GABRG3: variants seen among roughly 807,000 people sequenced by gnomAD.
GABRG3 encodes gamma-aminobutyric acid receptor subunit gamma-3.
A neutral mutation model predicts 48.8 loss-of-function variants in GABRG3; 25 were observed. That is an observed-to-expected ratio of 0.51 (90% CI 0.37 to 0.72). The LOEUF is 0.72. Ranked by LOEUF, GABRG3 falls within the 30% of genes least tolerant of loss-of-function variation. The pLI, the probability that GABRG3 is intolerant of heterozygous loss-of-function variation, is 0.00. For missense variants in GABRG3, 394 were observed against 577.9 expected, an observed-to-expected ratio of 0.68 and a Z score of 3.26; for synonymous variants, 227 against 217.6, an observed-to-expected ratio of 1.04 and a Z score of -0.38.
intron 5 of GABRG3, among the ~76,000 whole-genome samples, chr15:27,383,355 C>T (rs989233649): frequency 3.9e-5 from 6 of 152,130 alleles, no homozygotes; most frequent in Non-Finnish European, 8.8e-5. Context: ...ATAGGCTATG[C>T]TTATTTTTAT....
intron 3 of GABRG3, among the ~76,000 whole-genome samples, chr15:27,258,952 G>C (rs1465082585): frequency 6.6e-6 from 1 of 152,094 alleles, no homozygotes; most frequent in Admixed American, 6.6e-5. Context: ...TCCTACTTCT[G>C]TGAGCTCACA....
intron 5 of GABRG3, among the ~76,000 whole-genome samples, chr15:27,437,985 A>G (rs1223142516): frequency 6.6e-6 from 1 of 152,168 alleles, no homozygotes; most frequent in Admixed American, 6.5e-5. Context: ...CACTGACAGG[A>G]GGGCACTGAG....
intron 5 of GABRG3, among the ~76,000 whole-genome samples, chr15:27,356,272 T>G (rs1269068126): frequency 2.0e-5 from 3 of 151,624 alleles, no homozygotes; most frequent in African/African-American, 7.3e-5. Context: ...GGGTAGGGGG[T>G]GGGGAGAGAG....
intron 3 of GABRG3, among the ~76,000 whole-genome samples, chr15:27,212,234 T>C (rs1051152514): frequency 6.6e-6 from 1 of 152,168 alleles, no homozygotes; most frequent in Admixed American, 6.5e-5. Context: ...GGACAAACAG[T>C]GGCATACATG....
intron 2 of GABRG3, among the ~76,000 whole-genome samples, chr15:27,025,321 C>T (rs1274144024): frequency 6.6e-6 from 1 of 152,134 alleles, no homozygotes; most frequent in East Asian, 1.9e-4. Context: ...GACTTAACAC[C>T]CTTTGGTATA....
chr15:27,480,055 A>C (rs1890059746), intron 5 of GABRG3, among the ~76,000 whole-genome samples: 1 of 152,240 alleles, frequency 6.6e-6, no homozygotes, highest in African/African-American at 2.4e-5. Flanking sequence ...GCAGTCACCA[A>C]CCTGGGTCCC....
At chr15:27,395,698 C>T (rs1039270109) in intron 5 of GABRG3, among the ~76,000 whole-genome samples, 6 of 152,102 alleles carry the variant, frequency 3.9e-5, no homozygotes, top group Admixed American at 2.0e-4. Flanking sequence ...TAGATATACA[C>T]CTAGCACCTT....
At chr15:27,176,039 A>G (rs1292942011) in intron 3 of GABRG3, among the ~76,000 whole-genome samples, 5 of 152,042 alleles carry the variant, frequency 3.3e-5, no homozygotes, top group South Asian at 4.1e-4. Context: ...AAAAAAAAAA[A>G]AAAGAAAGAA....
intron 2 of GABRG3, among the ~76,000 whole-genome samples, chr15:27,004,863 G>C (rs1165028947): frequency 1.3e-5 from 2 of 152,150 alleles, no homozygotes; most frequent in Admixed American, 6.5e-5. Context: ...ACTGATGACT[G>C]TGTGGACTGG....
chr15:27,022,038 C>T (rs1487924969), intron 2 of GABRG3, among the ~76,000 whole-genome samples: 1 of 152,112 alleles, frequency 6.6e-6, no homozygotes, highest in African/African-American at 2.4e-5. Context: ...TCTGGGATGC[C>T]TTCCTGCCCT....
chr15:27,200,274 A>G (rs1307480525), intron 3 of GABRG3, among the ~76,000 whole-genome samples: 55 of 152,208 alleles, frequency 3.6e-4, no homozygotes, highest in Admixed American at 3.6e-3. Context: ...GGGGGCAGGC[A>G]TGGCTGTCAC....
intron 3 of GABRG3, among the ~76,000 whole-genome samples, chr15:27,225,454 T>C (rs1257113120): frequency 1.3e-5 from 2 of 152,092 alleles, no homozygotes; most frequent in Admixed American, 6.5e-5. Flanking sequence ...GATTGTTTAG[T>C]CTGACGATTT....
At chr15:27,422,967 C>T (rs1244172544) in intron 5 of GABRG3, among the ~76,000 whole-genome samples, 1 of 152,082 alleles carries the variant, frequency 6.6e-6, no homozygotes, top group Non-Finnish European at 1.5e-5. Context: ...CACCCCTATC[C>T]TGGGCCACAC....
intron 3 of GABRG3, among the ~76,000 whole-genome samples, chr15:27,210,602 A>G (rs1889046957): frequency 6.6e-6 from 1 of 152,198 alleles, no homozygotes; most frequent in Non-Finnish European, 1.5e-5. Flanking sequence ...TGATAAATGG[A>G]GACTAGTATG....
rs371184362 is a variant in GABRG3 at position 27,026,799 on chromosome 15, G to C, written c.248G>C (p.Gly83Ala). ...IDVDIYVNSIGPVSSINMEYQ... is the reference protein window; with the variant it reads ...IDVDIYVNSIAPVSSINMEYQ... ...GTTGACATTTATGTTAACAGCATTGGTCCTGTGTCATCAATAAACATGGTA... is the reference window on the plus strand; with the variant it reads ...GTTGACATTTATGTTAACAGCATTGCTCCTGTGTCATCAATAAACATGGTA... Residue 83 changes from glycine (G) to alanine (A), a missense_variant, in exon 3 of 10, where the codon GGT becomes GCT. Physicochemically the swap from Gly to Ala is moderately conservative, Grantham distance 60. Transcript: ENST00000615808. The C allele has an allele frequency of 6.8e-6, 11 of 1,609,568 alleles. No homozygotes were observed. Among genetic ancestry groups the C allele is most frequent in the African/African-American group, 1.3e-5 (1 of 74,774 alleles).
intron 5 of GABRG3, among the ~76,000 whole-genome samples, chr15:27,409,808 A>G (rs74554974): frequency 0.062 from 9,497 of 152,184 alleles, 327 homozygotes; most frequent in Middle Eastern, 0.13. Context: ...ACCTTGCTGA[A>G]CTTACTCATT....
At chr15:27,306,180 T>C (rs1014786957) in intron 3 of GABRG3, among the ~76,000 whole-genome samples, 2 of 133,906 alleles carry the variant, frequency 1.5e-5, no homozygotes, top group African/African-American at 5.5e-5. Flanking sequence ...TATATAAACA[T>C]ATAATATAAA....
In GABRG3 at chr15:26,971,347, T is replaced by C; in HGVS notation, c.-189T>C. ...GGCGGCGCGCCGCGGTGGCCCGGCG[T>C]CCCGTGTGCGTCCAGTGTGCGCCCC... On this transcript the variant is annotated 5_prime_UTR_variant, in exon 1 of 10. Transcript: ENST00000615808. The C allele has an allele frequency of 2.8e-6, 1 of 352,700 alleles. No individual in the cohort carries two copies. Among genetic ancestry groups the C allele is most frequent in the Non-Finnish European group, 5.0e-6 (1 of 201,298 alleles). The allele number at this position is 352,700 out of a possible 1,614,324, so 21.8% of individuals were successfully genotyped here.
chr15:27,043,877 G>A (rs899588615), intron 3 of GABRG3, among the ~76,000 whole-genome samples: 8 of 152,172 alleles, frequency 5.3e-5, no homozygotes, highest in Admixed American at 3.3e-4. Flanking sequence ...TCCTCCCGAG[G>A]CTGGGCCCAG....
Sources: gnomAD v4.1 joint callset for allele counts (sites outside exome capture counted in the v4.1 genomes callset) on GRCh38, gnomAD v4.1.1 for gene constraint, MANE v1.5 for transcripts, NCBI Gene and HGNC (gene_info 2026-07-23, HGNC 2026-07-21) for gene names.